Variants in PRKCI observed in about 807,000 individuals in gnomAD.
PRKCI encodes the protein protein kinase C iota type.
A neutral mutation model predicts 84.0 loss-of-function variants in PRKCI; 43 were observed. The ratio of observed to expected loss-of-function variants is 0.51; its 90% confidence interval spans 0.40 to 0.66. PRKCI has a LOEUF of 0.66. Among genes scored for constraint, PRKCI ranks in the 30% least tolerant of loss-of-function variants. The pLI is 0.00. For synonymous variants in PRKCI, 216 were observed against 234.4 expected (o/e 0.92, Z 0.72); for missense variants, 459 against 745.6 (o/e 0.62, Z 4.48).
intron 16 of PRKCI, among the ~76,000 whole-genome samples, 164 bp downstream of exon 16, chr3:170,297,557 C>T (rs1216158526): frequency 6.6e-6 from 1 of 152,162 alleles, no homozygotes; most frequent in Non-Finnish European, 1.5e-5. Context: ...CGAGTTCAAG[C>T]AGTTCTGTCT....
intron 2 of PRKCI, among the ~76,000 whole-genome samples, chr3:170,247,199 G>A (rs887713308): frequency 5.9e-5 from 9 of 151,602 alleles, no homozygotes; most frequent in South Asian, 2.1e-4. Context: ...GTAGGTGTGC[G>A]CCACCATGCC....
intron 7 of PRKCI, 38 bp from the exon 8 acceptor site, chr3:170,275,187 CTTTT>C (rs138637605): frequency 8.9e-4 from 1,167 of 1,308,086 alleles, no homozygotes; most frequent in African/African-American, 4.0e-3. Flanking sequence ...TCTCCTGCAC[CTTTT>C]TTTTTTTTTT....
intron 2 of PRKCI, among the ~76,000 whole-genome samples, chr3:170,241,991 C>T (rs1733144389): frequency 6.6e-6 from 1 of 152,154 alleles, no homozygotes; most frequent in Non-Finnish European, 1.5e-5. Context: ...TGCCTGTAAT[C>T]CCAGCTACTT....
At chr3:170,251,179 G>A (rs369334093) in intron 2 of PRKCI, among the ~76,000 whole-genome samples, 61 of 152,258 alleles carry the variant, frequency 4.0e-4, no homozygotes, top group African/African-American at 1.4e-3. Flanking sequence ...AAACTTGAAT[G>A]AATGGTTTGG....
At chr3:170,262,514 T>C (rs1367457135) in intron 3 of PRKCI, among the ~76,000 whole-genome samples, 1 of 152,194 alleles carries the variant, frequency 6.6e-6, no homozygotes, top group African/African-American at 2.4e-5. Flanking sequence ...GGTGTCTCAT[T>C]CTGTCACCTG....
At position 170,281,250 on chromosome 3, in the gene PRKCI, C is replaced by T. The variant is rs1734235015; in HGVS notation, c.967C>T (p.Gln323Ter). ...CCTTGTTGGGCTGCATTCTTGCTTT[C>T]AGACAGAAAGCAGGTAAGATTGAAA... ...PFLVGLHSCF[Q>*]TESRLFFVIE... is the part of the protein sequence containing the mutation. The change falls in exon 10 of 18, where the codon CAG becomes TAG. Residue 323 changes from glutamine (Q) to a stop codon, truncating the protein, a stop_gained. Coordinates refer to ENST00000295797, the MANE Select transcript of PRKCI (RefSeq NM_002740.6). LOFTEE classifies it high-confidence loss of function. 2 of 1,613,534 alleles carry T rather than the reference C, an allele frequency of 1.2e-6. No individual in the cohort carries two copies. The highest frequency in any genetic ancestry group is 1.7e-5 in the Admixed American group (1 of 59,994).
intron 8 of PRKCI, among the ~76,000 whole-genome samples, chr3:170,279,306 C>T (rs75376922): frequency 0.018 from 2,766 of 152,330 alleles, 48 homozygotes; most frequent in East Asian, 0.084. Context: ...GCTGAAAATA[C>T]AGGCATGAGC....
intron 1 of PRKCI, among the ~76,000 whole-genome samples, chr3:170,224,609 C>G (rs555559063): frequency 2.6e-5 from 4 of 152,132 alleles, no homozygotes; most frequent in Non-Finnish European, 5.9e-5. Context: ...CTGCATTCTC[C>G]GCCTCCCGGG....
At chr3:170,251,484 A>C (rs777339589) in intron 2 of PRKCI, among the ~76,000 whole-genome samples, 49 of 152,222 alleles carry the variant, frequency 3.2e-4, no homozygotes, top group Non-Finnish European at 6.3e-4. Flanking sequence ...AATCTACATA[A>C]TGAGGTATAA....
intron 3 of PRKCI, among the ~76,000 whole-genome samples, chr3:170,261,514 C>T (rs1733727696): frequency 6.7e-6 from 1 of 150,146 alleles, no homozygotes; most frequent in East Asian, 2.0e-4. Flanking sequence ...GACACAGTTT[C>T]ACTCTGTTGC....
intron 17 of PRKCI, among the ~76,000 whole-genome samples, chr3:170,301,929 A>G (rs1453372110): frequency 6.6e-6 from 1 of 152,150 alleles, no homozygotes; most frequent in Non-Finnish European, 1.5e-5. Context: ...CTGACTTTCT[A>G]GCGATACCTC....
intron 14 of PRKCI, 30 bp from the exon 15 acceptor site, chr3:170,295,881 A>T: frequency 7.6e-7 from 1 of 1,322,328 alleles, no homozygotes; most frequent in Non-Finnish European, 1.0e-6. Flanking sequence ...GTAAAAGTTA[A>T]ATATAATACT....
intron 5 of PRKCI, among the ~76,000 whole-genome samples, chr3:170,270,130 T>C (rs1326705686): frequency 6.6e-6 from 1 of 152,222 alleles, no homozygotes; most frequent in Non-Finnish European, 1.5e-5. Flanking sequence ...ATTTCTAGTT[T>C]AATTCTGTTT....
At chr3:170,235,980 C>A (rs1196053005) in intron 2 of PRKCI, among the ~76,000 whole-genome samples, 1 of 151,310 alleles carries the variant, frequency 6.6e-6, no homozygotes, top group Non-Finnish European at 1.5e-5. Flanking sequence ...AAGACAGGGT[C>A]TTGCTAAGTT....
Position 170,284,489 on chromosome 3 carries a change from T to C in PRKCI, c.1096T>C (p.Leu366=). ...RFYSAEISLA[L]NYLHERGIIY... is the part of the protein sequence containing the mutation. ...TTACTCTGCAGAAATCAGTCTAGCA[T>C]TAAATTATCTTCATGAGCGAGGGAT... The change falls in exon 12 of 18, where the codon TTA becomes CTA. Residue 366 remains leucine, a synonymous_variant. Transcript: ENST00000295797. 6.3e-7 allele frequency: 1 copy of C among 1,593,088 alleles called. No individual in the cohort carries two copies.
intron 8 of PRKCI, among the ~76,000 whole-genome samples, chr3:170,278,212 A>T (rs1383727558): frequency 6.6e-6 from 1 of 151,834 alleles, no homozygotes; most frequent in Non-Finnish European, 1.5e-5. Context: ...GCTCCACTTG[A>T]TTCTCTCTTA....
intron 8 of PRKCI, 194 bp from the exon 9 acceptor site, chr3:170,280,033 T>G (rs537608058): frequency 1.1e-5 from 5 of 436,876 alleles, no homozygotes; most frequent in Non-Finnish European, 1.9e-5. Context: ...CCCTCTTATC[T>G]CAAAATTCAT....
rs1282383866 is a variant in PRKCI at position 170,249,566 on chromosome 3, A to G, written c.224-10403A>G. The stretch of plus-strand genomic sequence containing the variant: ...CACTTTTGGAGACCAAGGTGAGACG[A>G]TTGCTTGAGCCTAGGAGTTTAAGAC... On this transcript the variant is annotated intron_variant, in intron 2 of 17. Transcript: ENST00000295797. 2.6e-5 allele frequency among the ~76,000 whole-genome samples: 4 copies of G among 152,276 alleles called. No homozygotes were observed. In the East Asian group the frequency reaches 5.8e-4, roughly 22 times the overall value.
intron 12 of PRKCI, among the ~76,000 whole-genome samples, chr3:170,289,496 C>T (rs767909206): frequency 3.3e-5 from 5 of 152,016 alleles, no homozygotes; most frequent in Non-Finnish European, 7.4e-5. Context: ...AAGGAAGGGC[C>T]GGGCACAGTG....
Sources: gnomAD v4.1 joint callset for allele counts (sites outside exome capture counted in the v4.1 genomes callset) on GRCh38, gnomAD v4.1.1 for gene constraint, MANE v1.5 for transcripts, NCBI Gene and HGNC (gene_info 2026-07-23, HGNC 2026-07-21) for gene names.